The following SLC1A7 variants were observed in gnomAD, a reference collection of about 807,000 sequenced individuals.
SLC1A7 encodes the protein solute carrier family 1 member 7, also known as excitatory amino acid transporter 5.
Under a neutral mutation model 47.7 loss-of-function variants are expected in SLC1A7, and 40 were observed. The observed-to-expected ratio is 0.84, with a 90% CI of 0.65 to 1.09. The LOEUF (loss-of-function observed/expected upper bound fraction) is 1.09. Ranked by LOEUF, SLC1A7 falls within the 50% of genes least tolerant of loss-of-function variation. The pLI is 0.00. For missense variants in SLC1A7, 746 were observed against 769.5 expected (o/e 0.97, Z 0.36); for synonymous variants, 323 against 325.6 (o/e 0.99, Z 0.09).
chr1:53,117,287 A>G (rs1306045992), intron 2 of SLC1A7, among the ~76,000 whole-genome samples: 3 of 152,208 alleles, frequency 2.0e-5, no homozygotes, highest in Non-Finnish European at 2.9e-5. Flanking sequence ...TAGAAGGGAT[A>G]GAGAAGATAG....
intron 3 of SLC1A7, 30 bp from the exon 4 acceptor site, chr1:53,105,804 C>G (rs1332114685): frequency 1.2e-6 from 2 of 1,607,404 alleles, no homozygotes; most frequent in Non-Finnish European, 1.7e-6. Context: ...TTGAAAAATT[C>G]CAGAGCCCAG....
intron 3 of SLC1A7, among the ~76,000 whole-genome samples, chr1:53,113,339 C>T (rs1050703155): frequency 6.6e-5 from 10 of 152,072 alleles, no homozygotes; most frequent in Non-Finnish European, 5.9e-5. Context: ...CTCTCCCTGG[C>T]GATTTCCAAA....
intron 8 of SLC1A7, 114 bp from the exon 9 acceptor site, chr1:53,090,048 G>C (rs746116096): frequency 4.4e-6 from 5 of 1,140,056 alleles, no homozygotes; most frequent in African/African-American, 3.0e-5. Context: ...CATTTGGTGC[G>C]GGGGGTGGGT....
chr1:53,129,652 C>A (rs1644921746), intron 2 of SLC1A7, among the ~76,000 whole-genome samples: 1 of 142,126 alleles, frequency 7.0e-6, no homozygotes, highest in Admixed American at 7.2e-5. Flanking sequence ...CACTGCCCTC[C>A]CACTGGGCCT....
intron 5 of SLC1A7, among the ~76,000 whole-genome samples, chr1:53,094,717 C>G (rs990724699): frequency 2.0e-5 from 3 of 152,192 alleles, no homozygotes; most frequent in Non-Finnish European, 4.4e-5. Context: ...ACCCAGACTC[C>G]CCTGCCGGCT....
chr1:53,103,317 G>A (rs1572316258), intron 5 of SLC1A7, 29 bp downstream of exon 5: 2 of 1,526,282 alleles, frequency 1.3e-6, no homozygotes, highest in Non-Finnish European at 1.8e-6. Context: ...CGGCTCCACG[G>A]CACTGCTGGG....
At chr1:53,134,578 C>A (rs1020896064) in intron 1 of SLC1A7, 149 bp from the exon 2 acceptor site, 15 of 539,642 alleles carry the variant, frequency 2.8e-5, no homozygotes, top group African/African-American at 2.5e-4. Context: ...GGCTTTGGAG[C>A]CACAGAACTG....
intron 2 of SLC1A7, among the ~76,000 whole-genome samples, chr1:53,133,812 C>T (rs1022143411): frequency 5.9e-5 from 9 of 151,518 alleles, no homozygotes; most frequent in African/African-American, 1.5e-4. Context: ...CGCACCATCC[C>T]GCCCTTGTCC....
intron 5 of SLC1A7, among the ~76,000 whole-genome samples, chr1:53,100,818 A>G (rs925701430): frequency 1.4e-5 from 2 of 146,838 alleles, no homozygotes; most frequent in Admixed American, 6.7e-5. Context: ...CCGCCTCAGT[A>G]CACTCACATC....
intron 2 of SLC1A7, among the ~76,000 whole-genome samples, chr1:53,120,588 A>G (rs1440218405): frequency 1.3e-5 from 2 of 152,050 alleles, no homozygotes; most frequent in African/African-American, 4.8e-5. Context: ...CCCTTCCCCA[A>G]CCCTGGCCCA....
chr1:53,092,448 A>G, intron 7 of SLC1A7, 106 bp downstream of exon 7: 1 of 807,094 alleles, frequency 1.2e-6, no homozygotes, highest in South Asian at 1.6e-5. Flanking sequence ...GGTGGGCCAC[A>G]CTGGCGTTTT....
rs113524307 is a variant in SLC1A7, at chr1:53,087,862, G to A, written c.*147C>T. On this transcript the variant is annotated 3_prime_UTR_variant, in exon 11 of 11. Transcript: ENST00000371494. ...TTCCCTTCTCTGAGATACATTTTCC[G>A]TCAAGCGGGGTTAATTCCAGCCTCT... is the stretch of plus-strand genomic sequence containing the variant. The A allele has an allele frequency of 5.6e-4, 244 of 438,206 alleles. No individual in the cohort carries two copies. In the East Asian group the frequency reaches 7.3e-3, roughly 13 times the overall value. The allele number at this position is 438,206 out of a possible 1,614,324, so 27.1% of individuals were successfully genotyped here.
chr1:53,114,772 C>T lies in SLC1A7; in HGVS notation c.417G>A (p.Leu139=). 6.2e-7 allele frequency: 1 copy of T among 1,614,004 alleles called. No individual in the cohort carries two copies. The highest frequency in any genetic ancestry group is 8.5e-7 in the Non-Finnish European group (1 of 1,179,964). Residue 139 remains leucine, a synonymous_variant, in exon 3 of 11, where the codon CTG becomes CTA. Transcript: ENST00000371494. ...GKPIMSSADA[L]LDLIRNMFPA... ...GCAATAGTTACCGGATGAGGTCCAA[C>T]AGGGCATCGGCTGAGCTCATGATGG... is the stretch of plus-strand genomic sequence containing the variant.
intron 4 of SLC1A7, among the ~76,000 whole-genome samples, chr1:53,105,498 C>T (rs1170789453): frequency 6.6e-6 from 1 of 152,156 alleles, no homozygotes; most frequent in Non-Finnish European, 1.5e-5. Context: ...GAAGGCTTCT[C>T]TCCACCCCCA....
At chr1:53,103,183 G>T in intron 5 of SLC1A7, 163 bp downstream of exon 5, 1 of 578,872 alleles carries the variant, frequency 1.7e-6, no homozygotes, top group Admixed American at 3.6e-5. Flanking sequence ...GGGGTGGGGA[G>T]GCGAAGGATT....
At chr1:53,106,975 C>T (rs187718229) in intron 3 of SLC1A7, among the ~76,000 whole-genome samples, 1 of 151,406 alleles carries the variant, frequency 6.6e-6, no homozygotes, top group Non-Finnish European at 1.5e-5. Context: ...GCCAACATGG[C>T]GAAACCCCGT....
intron 5 of SLC1A7, among the ~76,000 whole-genome samples, chr1:53,099,353 A>C (rs1396729343): frequency 1.3e-5 from 1 of 76,824 alleles, no homozygotes; most frequent in Non-Finnish European, 2.7e-5. Context: ...TCAGTACCTC[A>C]CATACCGCCT....
intron 4 of SLC1A7, among the ~76,000 whole-genome samples, chr1:53,104,425 C>T (rs748224817): frequency 3.3e-5 from 5 of 152,164 alleles, no homozygotes; most frequent in South Asian, 2.1e-4. Context: ...TTCTGCCTTG[C>T]GGAGGGAGTG....
intron 5 of SLC1A7, among the ~76,000 whole-genome samples, chr1:53,101,121 A>T (rs12737273): frequency 7.2e-6 from 1 of 138,808 alleles, no homozygotes; most frequent in Non-Finnish European, 1.6e-5. Context: ...ACTCACACAC[A>T]CTGCCGCAGT....
Sources: gnomAD v4.1 joint callset for allele counts (sites outside exome capture counted in the v4.1 genomes callset) on GRCh38, gnomAD v4.1.1 for gene constraint, MANE v1.5 for transcripts, NCBI Gene and HGNC (gene_info 2026-07-23, HGNC 2026-07-21) for gene names.